The following ZNF160 variants were observed in gnomAD, a reference collection of about 807,000 sequenced individuals.
ZNF160 encodes the protein KRAB zinc finger protein KR18.
ZNF160 carries 9 observed loss-of-function variants against 13.1 expected under a neutral mutation model. The ratio of observed to expected loss-of-function variants is 0.69; its 90% CI spans 0.41 to 1.20. The LOEUF is 1.20. Ranked by LOEUF, ZNF160 falls within the 50% of genes most tolerant of loss-of-function variation. The pLI is 0.01. For missense variants in ZNF160, 838 were observed against 988.0 expected, an observed-to-expected ratio of 0.85 and a Z score of 2.04; for synonymous variants, 293 against 333.2, an observed-to-expected ratio of 0.88 and a Z score of 1.31.
intron 1 of ZNF160, among the ~76,000 whole-genome samples, chr19:53,097,867 C>T (rs979937085): frequency 1.3e-4 from 20 of 152,126 alleles, no homozygotes; most frequent in Non-Finnish European, 2.6e-4. Flanking sequence ...CCCCGTGGAG[C>T]GGATGCTGTG....
Position 53,067,928 on chromosome 19 carries a change from C to T in ZNF160, c.*149G>A, listed in dbSNP as rs1388071189. Reference sequence around the variant, plus strand: ...ATAGACCCTCTGCCACATATGTTTACATGATGTCTCTTGCTTATGGCCTCT... The same window carrying T: ...ATAGACCCTCTGCCACATATGTTTATATGATGTCTCTTGCTTATGGCCTCT... On this transcript the variant is annotated 3_prime_UTR_variant, in exon 6 of 6. Coordinates refer to ENST00000683776, the MANE Select transcript of ZNF160 (RefSeq NM_001322131.2). 3 of 1,111,646 alleles carry T rather than the reference C, an allele frequency of 2.7e-6. No individual in the cohort carries two copies. The highest frequency in any genetic ancestry group is 3.1e-5 in the African/African-American group (2 of 64,214). The allele number at this position is 1,111,646 out of a possible 1,614,324, so 68.9% of individuals were successfully genotyped here.
At chr19:53,074,824 T>C (rs1043121156) in intron 4 of ZNF160, among the ~76,000 whole-genome samples, 10 of 152,114 alleles carry the variant, frequency 6.6e-5, no homozygotes, top group African/African-American at 2.4e-4. Context: ...TCTAACACAA[T>C]GTATTATGCA....
At position 53,069,574 on chromosome 19, in the gene ZNF160, C is replaced by T; in HGVS notation, c.960G>A (p.Lys320=). ...EKPYKCHECG[K]VFRHNSYLAT... ...CAAGGTATGAATTGTGCCTGAAGAC[C>T]TTGCCACACTCATGACATTTGTAAG... The change falls in exon 6 of 6, where the codon AAG becomes AAA. Residue 320 remains lysine (K), a synonymous_variant. Transcript: ENST00000683776. The surrounding 1 kb of genome is among the most constrained non-coding windows in gnomAD (Gnocchi z 4.4). 1 of 1,614,040 alleles carries T rather than the reference C, an allele frequency of 6.2e-7. No homozygotes were observed. Among genetic ancestry groups the T allele is most frequent in the South Asian group, 1.1e-5 (1 of 91,082 alleles).
At chr19:53,080,516 A>G (rs938207013) in intron 3 of ZNF160, among the ~76,000 whole-genome samples, 3 of 152,190 alleles carry the variant, frequency 2.0e-5, no homozygotes, top group South Asian at 2.1e-4. Flanking sequence ...ATGTCTAACC[A>G]AGGTTGTGAA....
At chr19:53,100,918 G>A (rs2085423838) in intron 1 of ZNF160, among the ~76,000 whole-genome samples, 1 of 151,872 alleles carries the variant, frequency 6.6e-6, no homozygotes. Flanking sequence ...GGGAGGTGGA[G>A]GTGGCAGTGA....
chr19:53,072,494 G>T (rs1181121366), intron 5 of ZNF160, among the ~76,000 whole-genome samples: 1 of 152,156 alleles, frequency 6.6e-6, no homozygotes, highest in Non-Finnish European at 1.5e-5. Context: ...ATGATAAAAT[G>T]AATTGAGAGG....
chr19:53,087,008 G>T (rs929138756), intron 2 of ZNF160, among the ~76,000 whole-genome samples: 1 of 152,218 alleles, frequency 6.6e-6, no homozygotes, highest in African/African-American at 2.4e-5. Context: ...GGGGGTGAAG[G>T]TGGGCCTGCA....
chr19:53,074,093 C>A (rs1405278176), intron 5 of ZNF160, 47 bp downstream of exon 5: 1 of 1,593,678 alleles, frequency 6.3e-7, no homozygotes, highest in South Asian at 1.1e-5. Flanking sequence ...CCCCCTCCCA[C>A]ACTCTAGTTA....
intron 3 of ZNF160, among the ~76,000 whole-genome samples, chr19:53,084,613 G>A (rs895961750): frequency 5.3e-5 from 8 of 152,136 alleles, no homozygotes; most frequent in African/African-American, 1.2e-4. Flanking sequence ...ATGGAGCAAA[G>A]TATAAAAATT....
At chr19:53,072,702 T>A (rs1386779038) in intron 5 of ZNF160, among the ~76,000 whole-genome samples, 1 of 151,952 alleles carries the variant, frequency 6.6e-6, no homozygotes, top group Admixed American at 6.6e-5. Context: ...AAATACACAA[T>A]TAACCAGGCA....
At chr19:53,071,556 A>AAAAAAAAAAC (rs2084177626) in intron 5 of ZNF160, among the ~76,000 whole-genome samples, 1 of 149,862 alleles carries the variant, frequency 6.7e-6, no homozygotes, top group African/African-American at 2.5e-5. Context: ...AAAAAAAAAA[A>AAAAAAAAAAC]AAAGGCTGAG....
intron 3 of ZNF160, chr19:53,076,110 C>A (rs1051934852): frequency 1.4e-5 from 3 of 209,118 alleles, no homozygotes; most frequent in South Asian, 6.9e-5. Context: ...TATTTTCCTA[C>A]GCATTAAGGA....
intron 3 of ZNF160, chr19:53,085,215 T>C (rs2084786011): frequency 1.0e-6 from 1 of 985,298 alleles, no homozygotes; most frequent in African/African-American, 1.7e-5. Flanking sequence ...TGAGCTCCTG[T>C]TTCCTAACAC....
intron 1 of ZNF160, among the ~76,000 whole-genome samples, chr19:53,097,956 G>A (rs919632240): frequency 1.3e-5 from 2 of 152,140 alleles, no homozygotes; most frequent in East Asian, 3.9e-4. Context: ...CTCAGCTTAG[G>A]TCTTGGTTCT....
chr19:53,072,188 G>A (rs1046487947), intron 5 of ZNF160, among the ~76,000 whole-genome samples: 2 of 149,994 alleles, frequency 1.3e-5, no homozygotes, highest in East Asian at 2.0e-4. Context: ...TGCAACCCCC[G>A]CCTCCAGGGT....
intron 5 of ZNF160, chr19:53,073,507 G>C (rs1292017037): frequency 6.3e-7 from 1 of 1,596,854 alleles, no homozygotes; most frequent in African/African-American, 1.3e-5. Context: ...CTCCTGAGCA[G>C]GTCTTCCACG....
chr19:53,067,923 G>A lies in ZNF160; in HGVS notation c.*154C>T. 3 of 1,078,850 alleles carry A rather than the reference G, an allele frequency of 2.8e-6. No individual in the cohort carries two copies. Among genetic ancestry groups the A allele is most frequent in the Non-Finnish European group, 3.9e-6 (3 of 761,626 alleles). The allele number at this position is 1,078,850 out of a possible 1,614,324, so 66.8% of individuals were successfully genotyped here. Reference sequence around the variant, plus strand: ...CCTGGATAGACCCTCTGCCACATATGTTTACATGATGTCTCTTGCTTATGG... The same window carrying A: ...CCTGGATAGACCCTCTGCCACATATATTTACATGATGTCTCTTGCTTATGG... On this transcript the variant is annotated 3_prime_UTR_variant, in exon 6 of 6. Coordinates refer to ENST00000683776, the MANE Select transcript of ZNF160 (RefSeq NM_001322131.2).
chr19:53,067,798 C>G lies in ZNF160; in HGVS notation c.*279G>C, dbSNP rs549250457. On this transcript the variant is annotated 3_prime_UTR_variant, in exon 6 of 6. Coordinates refer to ENST00000683776, the MANE Select transcript of ZNF160 (RefSeq NM_001322131.2). ...GAGACTGTTATTCCTCCTAGGAATC[C>G]TCACTTACCATCGGTCACTGGGTAA... is the stretch of plus-strand genomic sequence containing the variant. 2.9e-6 allele frequency: 1 copy of G among 341,442 alleles called. No homozygotes were observed. Among genetic ancestry groups the G allele is most frequent in the African/African-American group, 2.1e-5 (1 of 47,818 alleles). The allele number at this position is 341,442 out of a possible 1,614,324, so 21.2% of individuals were successfully genotyped here.
intron 1 of ZNF160, among the ~76,000 whole-genome samples, chr19:53,098,486 A>G (rs537690855): frequency 1.6e-4 from 25 of 151,732 alleles, no homozygotes; most frequent in Non-Finnish European, 3.1e-4. Context: ...ATTGCCCCCA[A>G]TTTGGGGACA....
Sources: gnomAD v4.1 joint callset for allele counts (sites outside exome capture counted in the v4.1 genomes callset) on GRCh38, gnomAD v4.1.1 for gene constraint, Gnocchi (gnomAD v3.1) non-coding constraint, MANE v1.5 for transcripts, NCBI Gene and HGNC (gene_info 2026-07-23, HGNC 2026-07-21) for gene names.